LIMK2: variants seen among roughly 807,000 people sequenced by gnomAD.
The protein encoded by LIMK2 is LIM domain kinase 2.
In LIMK2, 35 loss-of-function variants were observed where a neutral mutation model predicts 75.7. The observed-to-expected ratio is 0.46, with a 90% CI of 0.35 to 0.61. The LOEUF (loss-of-function observed/expected upper bound fraction) is 0.61, where lower values mean the gene tolerates loss of function less well. LIMK2 is among the 20% of genes least tolerant of loss of function. The pLI is 0.00. For synonymous variants in LIMK2, 301 were observed against 319.2 expected, an observed-to-expected ratio of 0.94 and a Z score of 0.61; for missense variants, 623 against 831.0, an observed-to-expected ratio of 0.75 and a Z score of 3.08.
At position 31,212,322 on chromosome 22, in the gene LIMK2, C is replaced by T; in HGVS notation, c.-87C>T. 27 of 1,272,312 alleles carry T rather than the reference C, an allele frequency of 2.1e-5. No homozygotes were observed. Among genetic ancestry groups the T allele is most frequent in the Non-Finnish European group, 2.5e-5 (25 of 993,226 alleles). The allele number at this position is 1,272,312 out of a possible 1,614,324, so 78.8% of individuals were successfully genotyped here. A position where few individuals can be genotyped will look rare whatever the true frequency, so the allele number is the denominator to read the frequency against. On this transcript the variant is annotated 5_prime_UTR_variant, in exon 1 of 16. Transcript: ENST00000331728. Reference sequence around the variant, plus strand: ...GGTCTTCCCGCGCCTGAGGCGGCGGCGGCAGGAGCTGAGGGGAGTTGTAGG... The same window carrying T: ...GGTCTTCCCGCGCCTGAGGCGGCGGTGGCAGGAGCTGAGGGGAGTTGTAGG...
At position 31,278,764 on chromosome 22, in the gene LIMK2, G is replaced by A. The variant is rs2049057589; in HGVS notation, c.*323G>A. 4.8e-6 allele frequency: 1 copy of A among 207,476 alleles called. No homozygotes were observed. The highest frequency in any genetic ancestry group is 1.1e-4 in the East Asian group (1 of 9,074). 12.9% of individuals were successfully genotyped at this position (207,476 alleles called of 1,614,324 possible). A position where few individuals can be genotyped will look rare whatever the true frequency, so the allele number is the denominator to read the frequency against. On this transcript the variant is annotated 3_prime_UTR_variant, in exon 16 of 16. Coordinates refer to ENST00000331728, the MANE Select transcript of LIMK2 (RefSeq NM_005569.4). ...CAGGAACTCCCTGGCAGTGGATTGT[G>A]GGAGGCTCTTGCTTACACTAATCAG...
intron 13 of LIMK2, 152 bp downstream of exon 13, chr22:31,272,856 C>T (rs2048974022): frequency 1.4e-6 from 2 of 1,403,940 alleles, no homozygotes; most frequent in Non-Finnish European, 1.9e-6. Flanking sequence ...TGGGGCCTCA[C>T]GATTTAGCTC....
At chr22:31,218,049 T>G (rs1945081446) in intron 1 of LIMK2, among the ~76,000 whole-genome samples, 1 of 152,108 alleles carries the variant, frequency 6.6e-6, no homozygotes, top group African/African-American at 2.4e-5. Context: ...CTTAACCTTT[T>G]CCCCAGCCAA....
intron 1 of LIMK2, among the ~76,000 whole-genome samples, chr22:31,221,704 C>T (rs1287581266): frequency 6.6e-6 from 1 of 152,042 alleles, no homozygotes; most frequent in Non-Finnish European, 1.5e-5. Flanking sequence ...AGGCTGGTCT[C>T]GAACTCCTGA....
chr22:31,216,807 G>GCCC (rs2048392586), intron 1 of LIMK2, among the ~76,000 whole-genome samples: 1 of 152,144 alleles, frequency 6.6e-6, no homozygotes, highest in Non-Finnish European at 1.5e-5. Context: ...TCTTGTTAGT[G>GCCC]TAACCTTGAG....
At chr22:31,215,768 C>T (rs1031077843) in intron 1 of LIMK2, among the ~76,000 whole-genome samples, 4 of 151,938 alleles carry the variant, frequency 2.6e-5, no homozygotes, top group Admixed American at 6.6e-5. Context: ...GAAAAGCCAC[C>T]GCACTCCAGC....
At chr22:31,252,622 A>C (rs2048736527) in intron 2 of LIMK2, among the ~76,000 whole-genome samples, 1 of 152,134 alleles carries the variant, frequency 6.6e-6, no homozygotes. Context: ...TCACTTACAG[A>C]AATCTGTTTC....
chr22:31,236,668 C>T (rs1035377643), intron 2 of LIMK2, among the ~76,000 whole-genome samples: 6 of 150,644 alleles, frequency 4.0e-5, no homozygotes, highest in Admixed American at 4.0e-4. Context: ...AATCCCAGCA[C>T]TTTGGGAGGC....
chr22:31,231,041 T>A lies in LIMK2; in HGVS notation c.116+5222T>A, dbSNP rs547985585. On this transcript the variant is annotated intron_variant, in intron 2 of 15. Transcript: ENST00000331728. Reference sequence around the variant, plus strand: ...AATAGGGAAATGGAGGTTACTTGTTTAAAGTCACAGAGCTAATAGGTAGCA... The same window carrying A: ...AATAGGGAAATGGAGGTTACTTGTTAAAAGTCACAGAGCTAATAGGTAGCA... Among the ~76,000 whole-genome samples, 95 of 152,368 alleles carry A rather than the reference T, an allele frequency of 6.2e-4. 3 individuals carry two copies. The South Asian group carries it at 0.019, about 31-fold the overall frequency.
At chr22:31,270,088 G>C (rs978820650) in intron 11 of LIMK2, among the ~76,000 whole-genome samples, 1 of 152,180 alleles carries the variant, frequency 6.6e-6, no homozygotes, top group African/African-American at 2.4e-5. Context: ...GATCCCTGCT[G>C]TTCTGTGCTA....
chr22:31,228,615 T>C (rs1369977847), intron 2 of LIMK2, among the ~76,000 whole-genome samples: 1 of 152,102 alleles, frequency 6.6e-6, no homozygotes, highest in Non-Finnish European at 1.5e-5. Context: ...ATAAAGTGGC[T>C]AGCATAGCAT....
intron 7 of LIMK2, among the ~76,000 whole-genome samples, chr22:31,265,150 C>T (rs191715701): frequency 0.015 from 2,081 of 138,528 alleles, 25 homozygotes; most frequent in Middle Eastern, 0.033. Context: ...GTGGAGATCC[C>T]GCCGTTGCAC....
chr22:31,249,772 G>A (rs1157533749), intron 2 of LIMK2, among the ~76,000 whole-genome samples: 1 of 152,142 alleles, frequency 6.6e-6, no homozygotes, highest in Non-Finnish European at 1.5e-5. Context: ...GAAAAGCAGT[G>A]CACCATGTGG....
Position 31,258,718 on chromosome 22 carries a change from G to A in LIMK2, c.252+292G>A, listed in dbSNP as rs2048809387. On this transcript the variant is annotated intron_variant, in intron 3 of 15. Coordinates refer to ENST00000331728, the MANE Select transcript of LIMK2 (RefSeq NM_005569.4). ...CAAGGAGAGTGTTACAGGCTGAGAGGAGGATATACTTAGGTTGTCTTTAGG... is the reference window on the plus strand; with the variant it reads ...CAAGGAGAGTGTTACAGGCTGAGAGAAGGATATACTTAGGTTGTCTTTAGG... 4.0e-5 allele frequency: 17 copies of A among 423,820 alleles called. No individual in the cohort carries two copies. The Admixed American group carries it at 6.2e-4, about 15-fold the overall frequency. 26.3% of individuals were successfully genotyped at this position (423,820 alleles called of 1,614,324 possible).
chr22:31,234,139 A>C (rs1876527853), intron 2 of LIMK2, among the ~76,000 whole-genome samples: 1 of 151,892 alleles, frequency 6.6e-6, no homozygotes, highest in Non-Finnish European at 1.5e-5. Context: ...CAGCCTCCCA[A>C]GTAGCTGGGA....
chr22:31,256,112 C>CCTCA (rs1182485969), intron 2 of LIMK2, among the ~76,000 whole-genome samples: 1 of 147,236 alleles, frequency 6.8e-6, no homozygotes, highest in African/African-American at 2.5e-5. Context: ...GATTCTCCTG[C>CCTCA]CTCAGCCTCC....
At chr22:31,265,836 A>C in intron 7 of LIMK2, 110 bp from the exon 8 acceptor site, 1 of 833,066 alleles carries the variant, frequency 1.2e-6, no homozygotes, top group Non-Finnish European at 1.9e-6. Flanking sequence ...AATAACATCT[A>C]AACTATAGAC....
At chr22:31,242,423 C>T (rs967546500) in intron 2 of LIMK2, among the ~76,000 whole-genome samples, 8 of 152,180 alleles carry the variant, frequency 5.3e-5, no homozygotes, top group African/African-American at 1.7e-4. Flanking sequence ...ACATCCCCAG[C>T]GCCTGGTATA....
At chr22:31,261,181 G>A (rs139266101) in intron 5 of LIMK2, among the ~76,000 whole-genome samples, 2,038 of 152,182 alleles carry the variant, frequency 0.013, 21 homozygotes, top group Middle Eastern at 0.027. Context: ...AAGTCCAGAC[G>A]TAGACATAGT....
Sources: gnomAD v4.1 joint callset for allele counts (sites outside exome capture counted in the v4.1 genomes callset) on GRCh38, gnomAD v4.1.1 for gene constraint, MANE v1.5 for transcripts, NCBI Gene and HGNC (gene_info 2026-07-23, HGNC 2026-07-21) for gene names.